The following ABCA1 variants were observed in gnomAD, a reference collection of about 807,000 sequenced individuals.
The protein encoded by ABCA1 is ATP binding cassette subfamily A member 1, also known as phospholipid-transporting ATPase ABCA1.
In ABCA1, 133 loss-of-function variants were observed where a neutral mutation model predicts 262.5. The ratio of observed to expected loss-of-function variants is 0.51; its 90% CI spans 0.44 to 0.59. The LOEUF (loss-of-function observed/expected upper bound fraction) is 0.59, where lower values mean the gene tolerates loss of function less well. ABCA1 is among the 20% of genes least tolerant of loss of function. The probability of loss-of-function intolerance (pLI) is 0.00; values close to 1 mark genes in which losing one functional copy is unlikely to be tolerated. For missense variants in ABCA1, 2,452 were observed against 2,777.5 expected, an observed-to-expected ratio of 0.88 and a Z score of 2.63; for synonymous variants, 1,022 against 1,043.5, an observed-to-expected ratio of 0.98 and a Z score of 0.40.
chr9:104,878,480 G>A (rs143107093), intron 5 of ABCA1, among the ~76,000 whole-genome samples: 1 of 152,308 alleles, frequency 6.6e-6, no homozygotes, highest in East Asian at 1.9e-4. Flanking sequence ...ACTGTAGAAG[G>A]AGAACTGCCT....
chr9:104,845,328 A>G, intron 8 of ABCA1, 149 bp downstream of exon 8: 1 of 681,506 alleles, frequency 1.5e-6, no homozygotes, highest in Non-Finnish European at 2.6e-6. Context: ...AGGAAATCAA[A>G]ACATTATTGT....
chr9:104,839,130 T>C (rs576647151), intron 9 of ABCA1, among the ~76,000 whole-genome samples: 159 of 152,340 alleles, frequency 1.0e-3, no homozygotes, highest in Admixed American at 2.5e-3. Flanking sequence ...TGCCTAAAAC[T>C]GTGACATTGG....
chr9:104,791,847 T>A (rs752540248), intron 43 of ABCA1, 89 bp downstream of exon 43: 27 of 1,373,038 alleles, frequency 2.0e-5, no homozygotes, highest in Non-Finnish European at 2.7e-5. Context: ...TAAAATCCAC[T>A]TTTACCTCTT....
At chr9:104,865,076 C>T (rs1315662948) in intron 5 of ABCA1, among the ~76,000 whole-genome samples, 2 of 152,196 alleles carry the variant, frequency 1.3e-5, no homozygotes, top group Non-Finnish European at 1.5e-5. Context: ...ACGTGGATAT[C>T]CACCCATGTA....
At chr9:104,875,599 A>G (rs979196018) in intron 5 of ABCA1, among the ~76,000 whole-genome samples, 5 of 152,196 alleles carry the variant, frequency 3.3e-5, no homozygotes, top group African/African-American at 1.2e-4. Context: ...CAAAATGCCC[A>G]AAGATATTTC....
chr9:104,862,615 T>A (rs1418058986), intron 5 of ABCA1, among the ~76,000 whole-genome samples: 2 of 136,728 alleles, frequency 1.5e-5, no homozygotes, highest in African/African-American at 5.4e-5. Flanking sequence ...CCTGGAGAGC[T>A]TGTTAAAATG....
intron 8 of ABCA1, among the ~76,000 whole-genome samples, chr9:104,842,433 C>G (rs1564167298): frequency 6.7e-6 from 1 of 150,218 alleles, no homozygotes. Context: ...ACTCCCCAAT[C>G]AAAAAAAAAA....
chr9:104,883,170 C>T lies in ABCA1; in HGVS notation c.303-13G>A. ...CAGGCGAGCCACACTGTAAAGGGTG[C>T]AAGAAAAGGCGAAAGGCTTTAGCTA... On this transcript the variant is annotated splice_polypyrimidine_tract_variant and intron_variant, in intron 4 of 49. Coordinates refer to ENST00000374736, the MANE Select transcript of ABCA1 (RefSeq NM_005502.4). The T allele has an allele frequency of 1.2e-6, 2 of 1,608,128 alleles. No individual in the cohort carries two copies. The highest frequency in any genetic ancestry group is 2.2e-5 in the South Asian group (2 of 90,948).
intron 15 of ABCA1, 61 bp from the exon 16 acceptor site, chr9:104,827,230 GATCTACA>G: frequency 7.1e-7 from 1 of 1,398,934 alleles, no homozygotes; most frequent in Non-Finnish European, 1.0e-6. Flanking sequence ...TCACTTGTAT[GATCTACA>G]GAAAAAAGAC....
rs1200755370 is a variant in ABCA1 at position 104,822,643 on chromosome 9, T to G, written c.2681A>C (p.His894Pro). Residue 894 changes from histidine to proline, a missense_variant, in exon 19 of 50, where the codon CAC becomes CCC. His to Pro is a moderately conservative substitution (Grantham distance 77). Around this residue, in one of 4 missense-constraint regions of ABCA1, gnomAD observed 1,032 missense variants for 1,089.7 expected, o/e 0.95. Coordinates refer to ENST00000374736, the MANE Select transcript of ABCA1 (RefSeq NM_005502.4). Reference sequence around the variant, plus strand: ...CTGAATGGACACGCCCAGCTTCAAGTGGGTGGGTTCCTCCTCCATGCAGAC... The same window carrying G: ...CTGAATGGACACGCCCAGCTTCAAGGGGGTGGGTTCCTCCTCCATGCAGAC... ...SEICMEEEPTHLKLGVSIQNL... is the reference protein window; with the variant it reads ...SEICMEEEPTPLKLGVSIQNL... 8 of 1,613,962 alleles carry G rather than the reference T, an allele frequency of 5.0e-6. No homozygotes were observed. The highest frequency in any genetic ancestry group is 6.8e-6 in the Non-Finnish European group (8 of 1,180,020).
intron 14 of ABCA1, among the ~76,000 whole-genome samples, chr9:104,830,078 C>T (rs1043120241): frequency 6.6e-6 from 1 of 152,082 alleles, no homozygotes; most frequent in Non-Finnish European, 1.5e-5. Flanking sequence ...TACACCTCCG[C>T]CCATTGTCTT....
At chr9:104,868,978 T>A (rs1837338497) in intron 5 of ABCA1, among the ~76,000 whole-genome samples, 1 of 136,146 alleles carries the variant, frequency 7.3e-6, no homozygotes, top group African/African-American at 2.8e-5. Flanking sequence ...ACAAGGAAGG[T>A]GGGAGGAGGG....
At chr9:104,886,205 T>G (rs1177152776) in intron 3 of ABCA1, among the ~76,000 whole-genome samples, 1 of 152,140 alleles carries the variant, frequency 6.6e-6, no homozygotes, top group African/African-American at 2.4e-5. Context: ...TCCTTCCATC[T>G]CACAGCTACC....
rs59524252 is a variant in ABCA1 at position 104,909,607 on chromosome 9, TACACACACACACACACACAC to T, written c.-92-5856_-92-5837del. ...GATTCAGTGATGCTGGCAAAAGAAA[TACACACACACACACACACAC>T]ACACACACACACACACACACACACA... On this transcript the variant is annotated intron_variant, in intron 1 of 49. Coordinates refer to ENST00000374736, the MANE Select transcript of ABCA1 (RefSeq NM_005502.4). Among the ~76,000 whole-genome samples, 10 of 134,062 alleles carry T rather than the reference TACACACACACACACACACAC, an allele frequency of 7.5e-5. No homozygotes were observed. In the South Asian group the frequency reaches 1.3e-3, roughly 17 times the overall value. The allele number at this position is 134,062 out of a possible 152,430, so 87.9% of individuals were successfully genotyped here.
chr9:104,902,749 A>T (rs1240776497), intron 2 of ABCA1, among the ~76,000 whole-genome samples: 1 of 152,162 alleles, frequency 6.6e-6, no homozygotes, highest in Non-Finnish European at 1.5e-5. Context: ...ACTGAATGAA[A>T]TTCTCTCCAA....
chr9:104,876,226 A>G (rs4149275), intron 5 of ABCA1, among the ~76,000 whole-genome samples: 24,442 of 152,226 alleles, frequency 0.16, 2,257 homozygotes, highest in South Asian at 0.35. Flanking sequence ...AGCATAAGCA[A>G]TGGCAAGGCT....
chr9:104,882,296 A>G (rs1177369356), intron 5 of ABCA1, among the ~76,000 whole-genome samples: 1 of 152,228 alleles, frequency 6.6e-6, no homozygotes, highest in African/African-American at 2.4e-5. Flanking sequence ...AATGCAGACC[A>G]GCTTTTATCG....
At chr9:104,925,793 T>C (rs1483223490) in intron 1 of ABCA1, among the ~76,000 whole-genome samples, 1 of 152,208 alleles carries the variant, frequency 6.6e-6, no homozygotes, top group East Asian at 1.9e-4. Context: ...TACTCAGGAA[T>C]ACTTTCCATG....
intron 27 of ABCA1, 123 bp from the exon 28 acceptor site, chr9:104,812,845 A>C: frequency 7.8e-7 from 1 of 1,277,578 alleles, no homozygotes; most frequent in South Asian, 1.2e-5. Context: ...GAAGTTTCTC[A>C]GAAGTAAAGG....
Sources: allele counts gnomAD v4.1 joint callset (sites outside exome capture counted in the v4.1 genomes callset), GRCh38; gene constraint gnomAD v4.1.1; regional missense constraint gnomAD v4.1.1; transcripts MANE v1.5; gene names NCBI Gene and HGNC (gene_info 2026-07-23, HGNC 2026-07-21).